The following RTL4 variants were observed in gnomAD, a reference collection of about 807,000 sequenced individuals.
RTL4 encodes the protein retrotransposon Gag like 4, also known as retrotransposon Gag-like protein 4.
In RTL4, 4 loss-of-function variants were observed where a neutral mutation model predicts 5.3. The ratio of observed to expected loss-of-function variants is 0.75; its 90% confidence interval spans 0.37 to 1.72. RTL4 has a LOEUF of 1.72. Among genes scored for constraint, RTL4 ranks in the 40% most tolerant of loss-of-function variants. RTL4 has a pLI of 0.04. For missense variants in RTL4, 260 were observed against 227.1 expected, an observed-to-expected ratio of 1.14 and a Z score of -0.93; for synonymous variants, 98 against 87.3, an observed-to-expected ratio of 1.12 and a Z score of -0.68.
chrX:112,145,004 C>CT, the RTL4 span, among the ~76,000 whole-genome samples: 647 of 109,425 alleles, frequency 5.9e-3, 2 homozygotes, highest in Middle Eastern at 0.043. Flanking sequence ...TCTACAAGTC[C>CT]TTTTTTTTTC....
the RTL4 span, among the ~76,000 whole-genome samples, chrX:112,245,691 C>T: frequency 8.9e-6 from 1 of 112,231 alleles, no homozygotes; most frequent in Admixed American, 9.4e-5. Flanking sequence ...TTGAAGCCTA[C>T]TTCTGTCAAC....
the RTL4 span, among the ~76,000 whole-genome samples, chrX:112,414,772 C>T: frequency 9.0e-6 from 1 of 111,569 alleles, no homozygotes; most frequent in Admixed American, 9.6e-5. Context: ...AATACAGAGG[C>T]ACAATGTGAC....
the RTL4 span, among the ~76,000 whole-genome samples, chrX:112,415,800 A>C: frequency 6.3e-5 from 7 of 111,597 alleles, no homozygotes; most frequent in Non-Finnish European, 1.3e-4. Context: ...AGAGATGTTA[A>C]ATAATATGCC....
chrX:112,117,820 T>C, the RTL4 span, among the ~76,000 whole-genome samples: 18,630 of 110,730 alleles, frequency 0.17, 2,443 homozygotes, highest in African/African-American at 0.44. Flanking sequence ...AATAATTCCA[T>C]TTTCACTAAT....
the RTL4 span, among the ~76,000 whole-genome samples, chrX:112,094,523 G>A: frequency 9.0e-6 from 1 of 110,784 alleles, no homozygotes; most frequent in Admixed American, 9.6e-5. Flanking sequence ...CATATAGATA[G>A]TAAAGCCATG....
At chrX:112,415,307 GGTT>G in the RTL4 span, among the ~76,000 whole-genome samples, 1 of 110,363 alleles carries the variant, frequency 9.1e-6, no homozygotes, top group Non-Finnish European at 1.9e-5. Flanking sequence ...TCATAGAGTG[GGTT>G]GTTGTTTTAT....
chrX:112,330,695 C>T, the RTL4 span, among the ~76,000 whole-genome samples: 1 of 111,295 alleles, frequency 9.0e-6, no homozygotes, highest in Non-Finnish European at 1.9e-5. Flanking sequence ...GCCCGCATCG[C>T]CAAGTCAATC....
At chrX:112,402,589 C>T in the RTL4 span, among the ~76,000 whole-genome samples, 3 of 111,083 alleles carry the variant, frequency 2.7e-5, no homozygotes, top group African/African-American at 9.8e-5. Context: ...ATTTGGAATA[C>T]AGACCTGTCT....
At chrX:112,361,794 T>C in the RTL4 span, among the ~76,000 whole-genome samples, 1 of 111,273 alleles carries the variant, frequency 9.0e-6, no homozygotes, top group Non-Finnish European at 1.9e-5. Context: ...GTGGCTCATT[T>C]TGGTTAATTG....
the RTL4 span, among the ~76,000 whole-genome samples, chrX:112,311,769 A>T: frequency 1.8e-5 from 2 of 110,307 alleles, no homozygotes; most frequent in Admixed American, 2.0e-4. Context: ...TCCTCTCTTA[A>T]TTTTTCTACA....
the RTL4 span, among the ~76,000 whole-genome samples, chrX:112,327,193 T>C: frequency 1.6e-4 from 18 of 112,002 alleles, no homozygotes; most frequent in Admixed American, 3.8e-4. Flanking sequence ...AGGCTTCAGA[T>C]GATCAAATCA....
chrX:112,230,503 T>C, the RTL4 span, among the ~76,000 whole-genome samples: 1 of 112,358 alleles, frequency 8.9e-6, no homozygotes, highest in Non-Finnish European at 1.9e-5. Context: ...TCGCCCTGCT[T>C]CGGCTCATGC....
At chrX:112,220,529 A>C in the RTL4 span, among the ~76,000 whole-genome samples, 1 of 112,877 alleles carries the variant, frequency 8.9e-6, no homozygotes, top group East Asian at 2.8e-4. Flanking sequence ...GGCAATTAAC[A>C]TTTGGCTCCT....
chrX:112,152,392 G>A, the RTL4 span, among the ~76,000 whole-genome samples: 1 of 111,836 alleles, frequency 8.9e-6, no homozygotes, highest in Non-Finnish European at 1.9e-5. Flanking sequence ...TGGGAGCTTG[G>A]AGAATAATGA....
At chrX:112,352,441 C>G in the RTL4 span, among the ~76,000 whole-genome samples, 1 of 111,578 alleles carries the variant, frequency 9.0e-6, no homozygotes, top group Non-Finnish European at 1.9e-5. Context: ...TACTACAAGG[C>G]TACAGTAACC....
the RTL4 span, among the ~76,000 whole-genome samples, chrX:112,362,449 GT>G: frequency 1.6e-4 from 18 of 111,686 alleles, no homozygotes; most frequent in South Asian, 6.4e-3. Context: ...ACAATTAATG[GT>G]TAAAGAAAGT....
the RTL4 span, among the ~76,000 whole-genome samples, chrX:112,137,419 G>A: frequency 4.5e-5 from 5 of 112,083 alleles, no homozygotes; most frequent in Admixed American, 4.7e-4. Flanking sequence ...GGCTCTGGGG[G>A]CCTCAGGAAA....
chrX:112,123,593 T>C, the RTL4 span, among the ~76,000 whole-genome samples: 2 of 112,189 alleles, frequency 1.8e-5, no homozygotes, highest in African/African-American at 6.5e-5. Flanking sequence ...ATTGCTTGTT[T>C]TTGTCAGGTT....
At chrX:112,357,539 A>G in the RTL4 span, among the ~76,000 whole-genome samples, 1 of 111,982 alleles carries the variant, frequency 8.9e-6, no homozygotes, top group Non-Finnish European at 1.9e-5. Flanking sequence ...TCAAAACAAA[A>G]CAAAAAGATC....
Sources: allele counts gnomAD v4.1 joint callset (sites outside exome capture counted in the v4.1 genomes callset), GRCh38; gene constraint gnomAD v4.1.1; transcripts MANE v1.5; gene names NCBI Gene and HGNC (gene_info 2026-07-23, HGNC 2026-07-21).